The following AGBL1 variants were observed in gnomAD, a reference collection of about 807,000 sequenced individuals.
AGBL1 encodes the protein cytosolic carboxypeptidase 4.
A neutral mutation model predicts 118.9 loss-of-function variants in AGBL1; 130 were observed. The observed-to-expected ratio is 1.09, with a 90% CI of 0.95 to 1.26. AGBL1 has a LOEUF of 1.26. AGBL1 is among the 50% of genes most tolerant of loss of function. The probability of loss-of-function intolerance (pLI) is 0.00; values close to 1 mark genes in which losing one functional copy is unlikely to be tolerated. For missense variants in AGBL1, 1,584 were observed against 1,298.1 expected, an observed-to-expected ratio of 1.22 and a Z score of -3.38; for synonymous variants, 555 against 478.9, an observed-to-expected ratio of 1.16 and a Z score of -2.08.
chr15:86,147,189 C>T (rs541539611), intron 3 of AGBL1, among the ~76,000 whole-genome samples: 55 of 152,306 alleles, frequency 3.6e-4, no homozygotes, highest in African/African-American at 1.3e-3. Flanking sequence ...CAGCAACTAG[C>T]GTGACTGACG....
chr15:86,578,851 C>G (rs1474721780), intron 21 of AGBL1, among the ~76,000 whole-genome samples: 1 of 152,172 alleles, frequency 6.6e-6, no homozygotes, highest in African/African-American at 2.4e-5. Context: ...GTCCAACAAA[C>G]CTCTTTCTTT....
chr15:86,752,926 C>T (rs2077877256), intron 22 of AGBL1, among the ~76,000 whole-genome samples: 1 of 152,112 alleles, frequency 6.6e-6, no homozygotes, highest in Non-Finnish European at 1.5e-5. Flanking sequence ...GCAATTTTCA[C>T]ATACAAAATT....
At chr15:86,246,643 G>T (rs1314075300) in intron 6 of AGBL1, among the ~76,000 whole-genome samples, 1 of 152,170 alleles carries the variant, frequency 6.6e-6, no homozygotes, top group Non-Finnish European at 1.5e-5. Context: ...GGAAGGGCAA[G>T]TTTTCTCTAG....
intron 22 of AGBL1, among the ~76,000 whole-genome samples, chr15:86,897,764 CTT>C (rs71460231): frequency 0.011 from 871 of 80,600 alleles, 3 homozygotes; most frequent in African/African-American, 0.041. Flanking sequence ...CATCTTTTAT[CTT>C]TTTTTTTTTT....
At chr15:86,895,377 T>G (rs2080110724) in intron 22 of AGBL1, among the ~76,000 whole-genome samples, 1 of 151,896 alleles carries the variant, frequency 6.6e-6, no homozygotes, top group East Asian at 1.9e-4. Flanking sequence ...GACTTTCCAG[T>G]TCTTTATCTG....
chr15:86,636,521 A>G (rs1438256339), intron 21 of AGBL1, among the ~76,000 whole-genome samples: 1 of 150,172 alleles, frequency 6.7e-6, no homozygotes, highest in African/African-American at 2.4e-5. Context: ...AACATCTCCT[A>G]CATTTAAAAA....
chr15:86,422,279 C>T (rs117181524), intron 18 of AGBL1, among the ~76,000 whole-genome samples: 3,109 of 152,232 alleles, frequency 0.02, 43 homozygotes, highest in Middle Eastern at 0.065. Flanking sequence ...AATTAGATCT[C>T]GGGATTAAGA....
At chr15:86,666,322 T>A (rs2085643519) in intron 21 of AGBL1, among the ~76,000 whole-genome samples, 1 of 152,194 alleles carries the variant, frequency 6.6e-6, no homozygotes, top group Non-Finnish European at 1.5e-5. Context: ...TTATATTTAA[T>A]AATTTATTTT....
chr15:86,345,162 T>G (rs2080517210), intron 17 of AGBL1, among the ~76,000 whole-genome samples: 1 of 152,082 alleles, frequency 6.6e-6, no homozygotes, highest in African/African-American at 2.4e-5. Flanking sequence ...ATTAACCATC[T>G]TATTTTACCT....
chr15:86,515,960 T>C (rs183111616), intron 18 of AGBL1, among the ~76,000 whole-genome samples: 1 of 152,308 alleles, frequency 6.6e-6, no homozygotes, highest in African/African-American at 2.4e-5. Context: ...ATGTGTAAGA[T>C]GTACATTGAT....
intron 17 of AGBL1, among the ~76,000 whole-genome samples, chr15:86,327,770 A>G (rs931977491): frequency 3.3e-5 from 5 of 152,338 alleles, no homozygotes; most frequent in Admixed American, 2.6e-4. Context: ...AATGAACCTT[A>G]GGCAGGTGTG....
intron 1 of AGBL1, among the ~76,000 whole-genome samples, chr15:86,097,226 A>G (rs1896434093): frequency 1.3e-5 from 2 of 152,120 alleles, no homozygotes; most frequent in Non-Finnish European, 2.9e-5. Flanking sequence ...GATACATGTG[A>G]TATTTTGTTA....
At chr15:86,675,790 C>T (rs1322687118) in intron 22 of AGBL1, among the ~76,000 whole-genome samples, 1 of 152,086 alleles carries the variant, frequency 6.6e-6, no homozygotes, top group Non-Finnish European at 1.5e-5. Flanking sequence ...CTTTTTCCCC[C>T]TCTCTCCTCT....
intron 22 of AGBL1, among the ~76,000 whole-genome samples, chr15:86,743,886 C>A (rs1166819538): frequency 6.6e-6 from 1 of 151,164 alleles, no homozygotes; most frequent in Non-Finnish European, 1.5e-5. Flanking sequence ...AACACACACA[C>A]GTCTACACAC....
At chr15:86,083,912 A>G (rs1895460501) in intron 1 of AGBL1, among the ~76,000 whole-genome samples, 1 of 152,236 alleles carries the variant, frequency 6.6e-6, no homozygotes. Flanking sequence ...GGACTTAAAC[A>G]GAAGGATTTG....
intron 19 of AGBL1, among the ~76,000 whole-genome samples, chr15:86,528,161 GA>G: frequency 6.6e-6 from 1 of 152,300 alleles, no homozygotes; most frequent in South Asian, 2.1e-4. Flanking sequence ...GAGCGACGCA[GA>G]AGACGGGTGA....
chr15:86,754,131 T>C (rs2077898171), intron 22 of AGBL1, among the ~76,000 whole-genome samples: 1 of 152,146 alleles, frequency 6.6e-6, no homozygotes, highest in Admixed American at 6.6e-5. Flanking sequence ...CTAACTATAA[T>C]ATATTTTATG....
At chr15:86,280,380 A>G (rs2079331938) in intron 16 of AGBL1, among the ~76,000 whole-genome samples, 1 of 152,218 alleles carries the variant, frequency 6.6e-6, no homozygotes, top group African/African-American at 2.4e-5. Flanking sequence ...GAGTAGAAGA[A>G]GTCAGTGCAG....
intron 22 of AGBL1, among the ~76,000 whole-genome samples, chr15:86,846,517 GTT>G (rs111896828): frequency 6.6e-6 from 1 of 151,186 alleles, no homozygotes; most frequent in African/African-American, 2.4e-5. Context: ...AATTTGGGTA[GTT>G]TTTTTTTGTT....
Sources: gnomAD v4.1 joint callset for allele counts (sites outside exome capture counted in the v4.1 genomes callset) on GRCh38, gnomAD v4.1.1 for gene constraint, MANE v1.5 for transcripts, NCBI Gene and HGNC (gene_info 2026-07-23, HGNC 2026-07-21) for gene names.